PTPRM: variants seen among roughly 807,000 people sequenced by gnomAD.
PTPRM encodes protein tyrosine phosphatase receptor type M.
PTPRM carries 47 observed loss-of-function variants against 186.7 expected under a neutral mutation model. That is an observed-to-expected ratio of 0.25 (90% CI 0.20 to 0.32). PTPRM has a LOEUF of 0.32. Ranked by LOEUF, PTPRM falls within the 10% of genes least tolerant of loss-of-function variation. PTPRM has a pLI of 1.00. For synonymous variants in PTPRM, 668 were observed against 674.9 expected, an observed-to-expected ratio of 0.99 and a Z score of 0.16; for missense variants, 1,494 against 1,865.0, an observed-to-expected ratio of 0.80 and a Z score of 3.66.
At chr18:7,594,421 A>T (rs777316714) in intron 1 of PTPRM, among the ~76,000 whole-genome samples, 166 of 152,080 alleles carry the variant, frequency 1.1e-3, no homozygotes, top group Non-Finnish European at 2.1e-3. Context: ...CAGAGGTTGC[A>T]TTGAGCCGAG....
intron 1 of PTPRM, among the ~76,000 whole-genome samples, chr18:7,575,286 C>T (rs955456552): frequency 6.6e-6 from 1 of 152,160 alleles, no homozygotes; most frequent in Non-Finnish European, 1.5e-5. Context: ...TGCTGCCATC[C>T]GCAGCTGATC....
rs1311241892 is a variant in PTPRM, at chr18:8,387,168, A to T, written c.4141A>T (p.Ile1381Phe). 1 of 1,613,576 alleles carries T rather than the reference A, an allele frequency of 6.2e-7. No individual in the cohort carries two copies. The highest frequency in any genetic ancestry group is 8.5e-7 in the Non-Finnish European group (1 of 1,179,562). Residue 1381 changes from isoleucine (I) to phenylalanine (F), a missense_variant, in exon 31 of 33, where the codon ATT (isoleucine) becomes TTT (phenylalanine). By Grantham distance (21) the Ile-to-Phe change is conservative. This residue lies in a region of PTPRM where 1,107 missense variants were observed against 1,350.2 expected (regional missense o/e 0.82). Transcript: ENST00000580170. ...GTCTAAGCGCTCCTTCTTGAAGCTC[A>T]TTCGCCAGGTGGACAAGTGGCAAGA... Reference protein sequence around the residue: ...PVSKRSFLKLIRQVDKWQEEY... With the variant: ...PVSKRSFLKLFRQVDKWQEEY...
chr18:8,206,277 C>T (rs1477593879), intron 14 of PTPRM, among the ~76,000 whole-genome samples: 5 of 67,098 alleles, frequency 7.5e-5, no homozygotes, highest in African/African-American at 2.1e-4. Flanking sequence ...TATTTTGAGA[C>T]GGAGTCTTGC....
At chr18:7,612,926 A>G (rs914096952) in intron 1 of PTPRM, among the ~76,000 whole-genome samples, 5 of 152,138 alleles carry the variant, frequency 3.3e-5, no homozygotes, top group Non-Finnish European at 5.9e-5. Context: ...TCTGCCACTC[A>G]TGCTCCCAGC....
chr18:8,396,796 C>G (rs1428986467), intron 32 of PTPRM, among the ~76,000 whole-genome samples: 1 of 152,296 alleles, frequency 6.6e-6, no homozygotes, highest in East Asian at 1.9e-4. Flanking sequence ...GGGCTGTTAG[C>G]AGGGTATTAG....
intron 14 of PTPRM, among the ~76,000 whole-genome samples, chr18:8,186,280 C>T (rs911683060): frequency 2.8e-5 from 4 of 142,788 alleles, no homozygotes; most frequent in Non-Finnish European, 6.0e-5. Flanking sequence ...GAGCGGAGAT[C>T]GTGCCACTGC....
rs537241182 is a variant in PTPRM, at chr18:8,264,087, G to A, written c.2754+10673G>A. Reference sequence around the variant, plus strand: ...CTGACTCCAGGTAGAAAGTGTCAGAGTGGAAGCGAATGAGAGGAAACAGAG... The same window carrying A: ...CTGACTCCAGGTAGAAAGTGTCAGAATGGAAGCGAATGAGAGGAAACAGAG... On this transcript the variant is annotated intron_variant, in intron 19 of 32. Transcript: ENST00000580170. 1.2e-4 allele frequency among the ~76,000 whole-genome samples: 19 copies of A among 152,302 alleles called. No individual in the cohort carries two copies. The South Asian group carries it at 3.7e-3, about 30-fold the overall frequency.
chr18:7,955,331 A>T lies in PTPRM; in HGVS notation c.1049A>T (p.Glu350Val). 1 of 1,614,144 alleles carries T rather than the reference A, an allele frequency of 6.2e-7. No individual in the cohort carries two copies. Among genetic ancestry groups the T allele is most frequent in the East Asian group, 2.2e-5 (1 of 44,878 alleles). The stretch of plus-strand genomic sequence containing the variant: ...CACCTTGACCCAGATACAGAATATG[A>T]GATTAGTGTGCTCCTGACCAGGCCA... ...IGHLDPDTEY[E>V]ISVLLTRPGE... The change falls in exon 7 of 33, where the codon GAG (glutamate) becomes GTG (valine). Residue 350 changes from glutamate (E) to valine (V), a missense_variant. By Grantham distance (121) the Glu-to-Val change is moderately radical (BLOSUM62 -2). This residue lies in a region of PTPRM where 91 missense variants were observed against 169.3 expected (regional missense o/e 0.54). Coordinates refer to ENST00000580170, the MANE Select transcript of PTPRM (RefSeq NM_001105244.2).
intron 1 of PTPRM, among the ~76,000 whole-genome samples, chr18:7,724,137 A>G (rs574915123): frequency 6.6e-6 from 1 of 152,184 alleles, no homozygotes; most frequent in South Asian, 2.1e-4. Flanking sequence ...CTCAAGGGTC[A>G]GGTGTCGTGT....
At chr18:8,184,071 TC>T (rs1253296447) in intron 14 of PTPRM, among the ~76,000 whole-genome samples, 1 of 152,172 alleles carries the variant, frequency 6.6e-6, no homozygotes, top group Non-Finnish European at 1.5e-5. Context: ...CTCTTCCTCA[TC>T]CCAAAGTTCC....
chr18:7,985,640 C>T (rs575085397), intron 7 of PTPRM, among the ~76,000 whole-genome samples: 6 of 148,970 alleles, frequency 4.0e-5, no homozygotes, highest in Non-Finnish European at 7.4e-5. Flanking sequence ...TAAATATATA[C>T]ATATATGGGG....
At chr18:7,667,260 G>C (rs2039117156) in intron 1 of PTPRM, among the ~76,000 whole-genome samples, 1 of 152,122 alleles carries the variant, frequency 6.6e-6, no homozygotes. Flanking sequence ...AAATGCGGAG[G>C]ACCACTCAGG....
chr18:7,947,834 C>T (rs1187802159), intron 5 of PTPRM, among the ~76,000 whole-genome samples: 1 of 152,108 alleles, frequency 6.6e-6, no homozygotes, highest in Admixed American at 6.6e-5. Context: ...CCTAAACCAC[C>T]CTGGCCATCG....
Position 8,113,633 on chromosome 18 carries a change from C to G in PTPRM, c.2004C>G (p.Asp668Glu). Residue 668 changes from aspartate to glutamate, a missense_variant, in exon 12 of 33, where the codon GAC becomes GAG. Coordinates refer to ENST00000580170, the MANE Select transcript of PTPRM (RefSeq NM_001105244.2). The stretch of plus-strand genomic sequence containing the variant: ...ACTTTGCTGCAGAATTTCCTGCAGA[C>G]AGCCTCCAAGCTGCGCAGCCTTTTA... ...QYYFAAEFPA[D>E]SLQAAQPFTI... The G allele has an allele frequency of 1.2e-6, 2 of 1,614,128 alleles. No homozygotes were observed. The highest frequency in any genetic ancestry group is 1.7e-6 in the Non-Finnish European group (2 of 1,179,974).
At chr18:8,113,023 G>T (rs1036916218) in intron 11 of PTPRM, among the ~76,000 whole-genome samples, 1 of 152,186 alleles carries the variant, frequency 6.6e-6, no homozygotes. Flanking sequence ...ACTACACATT[G>T]TGTTTTGTGA....
intron 19 of PTPRM, 27 bp downstream of exon 19, chr18:8,253,441 T>G: frequency 7.2e-7 from 1 of 1,392,326 alleles, no homozygotes; most frequent in African/African-American, 1.5e-5. Flanking sequence ...TGCCAGGGCT[T>G]TCCCATTCCT....
At chr18:7,686,653 T>G (rs1028471036) in intron 1 of PTPRM, among the ~76,000 whole-genome samples, 5 of 152,122 alleles carry the variant, frequency 3.3e-5, no homozygotes, top group Non-Finnish European at 4.4e-5. Context: ...GATTATTTAT[T>G]TGTAAGGTGA....
At chr18:7,844,358 G>A (rs2046490634) in intron 2 of PTPRM, among the ~76,000 whole-genome samples, 1 of 152,132 alleles carries the variant, frequency 6.6e-6, no homozygotes, top group Non-Finnish European at 1.5e-5. Context: ...TAGGATCTCA[G>A]CCCTTAAATC....
chr18:8,065,343 T>A (rs1296556107), intron 7 of PTPRM, among the ~76,000 whole-genome samples: 1 of 152,156 alleles, frequency 6.6e-6, no homozygotes, highest in Non-Finnish European at 1.5e-5. Context: ...GAAGTGGGCT[T>A]GCTCGTCCCT....
Sources: gnomAD v4.1 joint callset for allele counts (sites outside exome capture counted in the v4.1 genomes callset) on GRCh38, gnomAD v4.1.1 for gene constraint, gnomAD v4.1.1 regional missense constraint, MANE v1.5 for transcripts, NCBI Gene and HGNC (gene_info 2026-07-23, HGNC 2026-07-21) for gene names.